The following DAB1 variants were observed in gnomAD, a reference collection of about 807,000 sequenced individuals.
The protein encoded by DAB1 is disabled homolog 1.
A neutral mutation model predicts 64.6 loss-of-function variants in DAB1; 15 were observed. The ratio of observed to expected loss-of-function variants is 0.23; its 90% CI spans 0.16 to 0.36. The LOEUF (loss-of-function observed/expected upper bound fraction) is 0.36, where lower values mean the gene tolerates loss of function less well. Among genes scored for constraint, DAB1 ranks in the 10% least tolerant of loss-of-function variants. The pLI is 1.00. For synonymous variants in DAB1, 235 were observed against 251.9 expected (o/e 0.93, Z 0.64); for missense variants, 596 against 706.7 (o/e 0.84, Z 1.78).
At chr1:57,839,785 C>T (rs1227832387) in intron 1 of DAB1, among the ~76,000 whole-genome samples, 1 of 152,232 alleles carries the variant, frequency 6.6e-6, no homozygotes, top group African/African-American at 2.4e-5. Context: ...CATCAGCTAG[C>T]CCTGCCTCTG....
intron 4 of DAB1, among the ~76,000 whole-genome samples, chr1:58,294,103 G>A (rs910255013): frequency 6.6e-6 from 1 of 151,992 alleles, no homozygotes; most frequent in Non-Finnish European, 1.5e-5. Flanking sequence ...CTACAATCTA[G>A]TTAAACCTAG....
chr1:57,139,760 C>T (rs893767507), intron 3 of DAB1, among the ~76,000 whole-genome samples: 1 of 152,120 alleles, frequency 6.6e-6, no homozygotes, highest in African/African-American at 2.4e-5. Context: ...CTAAGGCCCC[C>T]TTTGCTTGCT....
intron 5 of DAB1, among the ~76,000 whole-genome samples, chr1:57,935,250 C>T (rs903706863): frequency 6.6e-6 from 1 of 152,196 alleles, no homozygotes; most frequent in Non-Finnish European, 1.5e-5. Flanking sequence ...CACTTTCCAG[C>T]TGTATGGCCT....
At chr1:58,406,975 G>A (rs993291678) in intron 3 of DAB1, among the ~76,000 whole-genome samples, 1 of 152,162 alleles carries the variant, frequency 6.6e-6, no homozygotes, top group African/African-American at 2.4e-5. Flanking sequence ...GACACAGGGT[G>A]GGCGTGCTAA....
chr1:57,883,284 T>C (rs1215556789), intron 1 of DAB1, among the ~76,000 whole-genome samples: 4 of 152,208 alleles, frequency 2.6e-5, no homozygotes, highest in Admixed American at 2.0e-4. Flanking sequence ...TCAATTCAAA[T>C]GGCTAATGTA....
intron 8 of DAB1, among the ~76,000 whole-genome samples, chr1:57,065,828 A>C (rs1232166625): frequency 3.3e-5 from 5 of 152,150 alleles, no homozygotes; most frequent in Non-Finnish European, 5.9e-5. Context: ...CATTGTGAGC[A>C]TCTAAGGGGG....
chr1:57,378,957 GAAAAGAGCACTGGAGC>G (rs1681135610), intron 1 of DAB1, among the ~76,000 whole-genome samples: 1 of 152,258 alleles, frequency 6.6e-6, no homozygotes, highest in South Asian at 2.1e-4. Flanking sequence ...GTAGTGGAGT[GAAAAGAGCACTGGAGC>G]AAATGTCAAA....
At chr1:57,520,374 T>G (rs753136588) in intron 7 of DAB1, among the ~76,000 whole-genome samples, 3 of 152,198 alleles carry the variant, frequency 2.0e-5, no homozygotes, top group African/African-American at 4.8e-5. Context: ...AGAGAAGAAA[T>G]TAAATTCCTT....
intron 6 of DAB1, among the ~76,000 whole-genome samples, chr1:57,782,961 G>A (rs1161687599): frequency 6.7e-6 from 1 of 149,920 alleles, no homozygotes. Flanking sequence ...GTTGAAAATA[G>A]TCCATTTTCT....
intron 2 of DAB1, among the ~76,000 whole-genome samples, chr1:57,232,284 CTTTTTTTTT>C (rs74940041): frequency 1.2e-5 from 1 of 81,716 alleles, no homozygotes; most frequent in African/African-American, 4.7e-5. Flanking sequence ...GCAGTGGCCA[CTTTTTTTTT>C]TTTTTTTTTT....
At chr1:58,541,293 CAAAAAAAA>C (rs71043292) in intron 1 of DAB1, among the ~76,000 whole-genome samples, 6 of 27,558 alleles carry the variant, frequency 2.2e-4, no homozygotes, top group Admixed American at 8.1e-4. Context: ...GACTCTGTCT[CAAAAAAAA>C]AAAAAAAAAA....
At chr1:57,507,574 C>T (rs575766911) in intron 7 of DAB1, among the ~76,000 whole-genome samples, 1 of 152,196 alleles carries the variant, frequency 6.6e-6, no homozygotes, top group East Asian at 1.9e-4. Context: ...AACTGTGAGT[C>T]GAATCTGATT....
At chr1:58,516,921 C>T (rs1315256858) in intron 2 of DAB1, among the ~76,000 whole-genome samples, 1 of 152,066 alleles carries the variant, frequency 6.6e-6, no homozygotes, top group East Asian at 1.9e-4. Context: ...ACAGAGGAAG[C>T]CAGGCTGTAA....
chr1:58,068,966 TCTGACC>T (rs1649050828), intron 5 of DAB1, among the ~76,000 whole-genome samples: 1 of 152,090 alleles, frequency 6.6e-6, no homozygotes, highest in African/African-American at 2.4e-5. Flanking sequence ...CTTTCAGGGC[TCTGACC>T]CTGGAGGGCT....
At chr1:57,310,992 T>A (rs1218031571) in intron 1 of DAB1, among the ~76,000 whole-genome samples, 1 of 150,108 alleles carries the variant, frequency 6.7e-6, no homozygotes, top group African/African-American at 2.5e-5. Context: ...CAAGAGCCCA[T>A]CTCTAAAAAA....
chr1:58,246,301 G>C (rs1408674818), intron 4 of DAB1, among the ~76,000 whole-genome samples: 1 of 152,182 alleles, frequency 6.6e-6, no homozygotes, highest in African/African-American at 2.4e-5. Flanking sequence ...CTGCTTTCAA[G>C]GAAATTTCAC....
intron 1 of DAB1, among the ~76,000 whole-genome samples, chr1:57,423,086 C>G (rs2101096148): frequency 6.6e-6 from 1 of 152,008 alleles, no homozygotes; most frequent in East Asian, 1.9e-4. Context: ...TGGGTTCTCT[C>G]GGCGGTTGAC....
rs1203842303 is a variant in DAB1, at chr1:58,150,939, G to A, written n.310-351C>T. 5.3e-5 allele frequency among the ~76,000 whole-genome samples: 8 copies of A among 152,134 alleles called. No homozygotes were observed. The South Asian group carries it at 1.5e-3, about 28-fold the overall frequency. On this transcript the variant is annotated intron_variant and non_coding_transcript_variant, in intron 4 of 20. Coordinates refer to the DAB1 transcript ENST00000485760. ...TTCCCACCTATGAGTGAGAACATGCGGTATTTGGTTTTTTGTCCTTGCGAT... is the reference window on the plus strand; with the variant it reads ...TTCCCACCTATGAGTGAGAACATGCAGTATTTGGTTTTTTGTCCTTGCGAT...
rs921208425 is a variant in DAB1 at position 58,303,885 on chromosome 1, G to C, written n.309+39467C>G. Among the ~76,000 whole-genome samples, 10 of 152,088 alleles carry C rather than the reference G, an allele frequency of 6.6e-5. 1 individual carries two copies. Among genetic ancestry groups the C allele is most frequent in the Admixed American group, 5.2e-4 (8 of 15,274 alleles). ...CCCCTAATTTATTTGCTTATGTTTG[G>C]GTTTTCATATATTTGGTTTGTTTAT... On this transcript the variant is annotated intron_variant and non_coding_transcript_variant, in intron 4 of 20. Transcript: ENST00000485760.
Sources: allele counts gnomAD v4.1 joint callset (sites outside exome capture counted in the v4.1 genomes callset), GRCh38; gene constraint gnomAD v4.1.1; transcripts MANE v1.5; gene names NCBI Gene and HGNC (gene_info 2026-07-23, HGNC 2026-07-21).